The following RAB3B variants were observed in gnomAD, a reference collection of about 807,000 sequenced individuals.
The protein encoded by RAB3B is RAB3B, member RAS oncogene family, also known as ras-related protein Rab-3B.
RAB3B carries 11 observed loss-of-function variants against 20.5 expected under a neutral mutation model. The observed-to-expected ratio is 0.54, with a 90% CI of 0.34 to 0.89. The LOEUF (loss-of-function observed/expected upper bound fraction) is 0.89, where lower values mean the gene tolerates loss of function less well. Among genes scored for constraint, RAB3B ranks in the 40% least tolerant of loss-of-function variants. RAB3B has a pLI of 0.02. For synonymous variants in RAB3B, 99 were observed against 106.3 expected (o/e 0.93, Z 0.42); for missense variants, 225 against 280.9 (o/e 0.80, Z 1.42).
In RAB3B at chr1:51,909,412, G is replaced by A. The variant is rs1360396132; in HGVS notation, c.*10515C>T. On this transcript the variant is annotated 3_prime_UTR_variant, in exon 5 of 5. Coordinates refer to ENST00000371655, the MANE Select transcript of RAB3B (RefSeq NM_002867.4). ...TAGGGAAGATTGTCAGCCTCATTAG[G>A]TGAAAATATGTTGGTTCAAGATCAC... The A allele has an allele frequency of 6.6e-6, 1 of 152,130 alleles. No homozygotes were observed. Among genetic ancestry groups the A allele is most frequent in the Admixed American group, 6.6e-5 (1 of 15,262 alleles). 9.4% of individuals were successfully genotyped at this position (152,130 alleles called of 1,614,324 possible).
chr1:51,920,082 T>A lies in RAB3B; in HGVS notation c.505A>T (p.Asn169Tyr). 6.2e-7 allele frequency: 1 copy of A among 1,613,756 alleles called. No individual in the cohort carries two copies. Among genetic ancestry groups the A allele is most frequent in the Non-Finnish European group, 8.5e-7 (1 of 1,179,780 alleles). Residue 169 changes from asparagine (N) to tyrosine (Y), a missense_variant, in exon 5 of 5, where the codon AAC (asparagine) becomes TAC (tyrosine). Coordinates refer to ENST00000371655, the MANE Select transcript of RAB3B (RefSeq NM_002867.4). The stretch of plus-strand genomic sequence containing the variant: ...TCAAAGGCCTGCCTTACACTGATGT[T>A]CTCCTTTGCACTGGCTTCAAAGAAA... Reference protein sequence around the residue: ...FDFFEASAKENISVRQAFERL... With the variant: ...FDFFEASAKEYISVRQAFERL...
rs938632322 is a variant in RAB3B, at chr1:51,910,693, C to T, written c.*9234G>A. ...ATCTTACAGAAAACAGCCACAGAAT[C>T]CCAAGGCATCAGCACCAAGAGAGCC... On this transcript the variant is annotated 3_prime_UTR_variant, in exon 5 of 5. Coordinates refer to ENST00000371655, the MANE Select transcript of RAB3B (RefSeq NM_002867.4). 2 of 152,158 alleles carry T rather than the reference C, an allele frequency of 1.3e-5. No homozygotes were observed. The highest frequency in any genetic ancestry group is 2.9e-5 in the Non-Finnish European group (2 of 68,020). The allele number at this position is 152,158 out of a possible 1,614,324, so 9.4% of individuals were successfully genotyped here. A position where few individuals can be genotyped will look rare whatever the true frequency, so the allele number is the denominator to read the frequency against.
chr1:51,937,235 C>A (rs1684417713), intron 3 of RAB3B, 59 bp downstream of exon 3: 3 of 1,350,462 alleles, frequency 2.2e-6, no homozygotes, highest in Admixed American at 3.5e-5. Flanking sequence ...CAGGACCTAG[C>A]ACATGTTAGG....
rs1684885325 is a variant in RAB3B, at chr1:51,968,432, A to G, written c.228+8458T>C. On this transcript the variant is annotated intron_variant, in intron 2 of 4. Coordinates refer to ENST00000371655, the MANE Select transcript of RAB3B (RefSeq NM_002867.4). ...TATTCTTCTTCCCCTAATCAGAACA[A>G]GAGAGCTATGGTATTCATTTATTGG... 2.6e-5 allele frequency among the ~76,000 whole-genome samples: 4 copies of G among 152,224 alleles called. No homozygotes were observed. In the South Asian group the frequency reaches 8.3e-4, roughly 32 times the overall value.
At chr1:51,974,077 T>TGCCA (rs1684975134) in intron 2 of RAB3B, among the ~76,000 whole-genome samples, 1 of 152,218 alleles carries the variant, frequency 6.6e-6, no homozygotes, top group African/African-American at 2.4e-5. Context: ...ACCCCCAATC[T>TGCCA]GCCACCTATA....
intron 1 of RAB3B, among the ~76,000 whole-genome samples, chr1:51,989,489 A>G (rs1685195075): frequency 6.6e-6 from 1 of 151,782 alleles, no homozygotes; most frequent in Non-Finnish European, 1.5e-5. Context: ...TAGTGCGTGG[A>G]CACCACTCCA....
At chr1:51,970,849 C>CA (rs546939139) in intron 2 of RAB3B, among the ~76,000 whole-genome samples, 5,946 of 141,006 alleles carry the variant, frequency 0.042, 216 homozygotes, top group East Asian at 0.11. Context: ...ACTAAAAATA[C>CA]AAAAAAAAAA....
intron 2 of RAB3B, among the ~76,000 whole-genome samples, chr1:51,973,896 TCAAA>T (rs1326687079): frequency 5.9e-5 from 9 of 151,982 alleles, no homozygotes; most frequent in African/African-American, 1.7e-4. Flanking sequence ...GATATGGGGG[TCAAA>T]CAAAGACACT....
chr1:51,981,874 T>C (rs1490462944), intron 1 of RAB3B, among the ~76,000 whole-genome samples: 1 of 152,232 alleles, frequency 6.6e-6, no homozygotes, highest in Non-Finnish European at 1.5e-5. Flanking sequence ...ATAGCACATA[T>C]GATTATGTGC....
intron 1 of RAB3B, among the ~76,000 whole-genome samples, chr1:51,986,821 AGGGGGC>A (rs1685157689): frequency 6.6e-6 from 1 of 152,182 alleles, no homozygotes; most frequent in Admixed American, 6.5e-5. Flanking sequence ...TCTTCTTAGG[AGGGGGC>A]GGCCAGGGGC....
chr1:51,948,339 C>T (rs1684590684), intron 2 of RAB3B, among the ~76,000 whole-genome samples: 2 of 152,170 alleles, frequency 1.3e-5, no homozygotes, highest in Admixed American at 1.3e-4. Context: ...AGCAGAACAG[C>T]CAGAGAAGAG....
chr1:51,942,865 C>T (rs1160805747), intron 2 of RAB3B, among the ~76,000 whole-genome samples: 3 of 151,982 alleles, frequency 2.0e-5, no homozygotes, highest in Non-Finnish European at 4.4e-5. Flanking sequence ...TATTTCAAGT[C>T]TTTTCATTAT....
chr1:51,978,700 G>T (rs925734905), intron 1 of RAB3B, among the ~76,000 whole-genome samples: 2 of 152,204 alleles, frequency 1.3e-5, no homozygotes, highest in African/African-American at 2.4e-5. Context: ...AGGGTACCCA[G>T]ATGGCTGGAT....
At chr1:51,966,901 C>T (rs1021136551) in intron 2 of RAB3B, among the ~76,000 whole-genome samples, 9 of 152,108 alleles carry the variant, frequency 5.9e-5, no homozygotes, top group Non-Finnish European at 1.0e-4. Context: ...ACACTCAAGA[C>T]GAGATTGCAC....
intron 2 of RAB3B, among the ~76,000 whole-genome samples, chr1:51,945,748 C>T (rs2124268889): frequency 6.6e-6 from 1 of 152,300 alleles, no homozygotes; most frequent in East Asian, 1.9e-4. Flanking sequence ...TCAAACCTAC[C>T]CAGGGCTGCC....
intron 2 of RAB3B, among the ~76,000 whole-genome samples, chr1:51,966,843 C>T (rs1465444239): frequency 6.6e-6 from 1 of 152,146 alleles, no homozygotes; most frequent in Non-Finnish European, 1.5e-5. Context: ...TGTTCAGCCT[C>T]CAGACTCTTC....
intron 1 of RAB3B, among the ~76,000 whole-genome samples, chr1:51,989,898 A>T (rs1272026761): frequency 6.7e-6 from 1 of 148,186 alleles, no homozygotes; most frequent in Non-Finnish European, 1.5e-5. Context: ...ATCCCCCATA[A>T]ATGACCCTCT....
chr1:51,937,387 C>T lies in RAB3B; in HGVS notation c.254G>A (p.Arg85Gln), dbSNP rs774989673. The change falls in exon 3 of 5, where the codon CGG (arginine) becomes CAG (glutamine). Residue 85 changes from arginine (R) to glutamine (Q), a missense_variant. Transcript: ENST00000371655. ...ACGGTAATAGGCTGTTGTGATGGTC[C>T]GGTACCGCTCCTGCCCAGCTGTGTC... ...IWDTAGQERYRTITTAYYRGA... is the reference protein window; with the variant it reads ...IWDTAGQERYQTITTAYYRGA... 3.5e-5 allele frequency: 56 copies of T among 1,608,728 alleles called. No homozygotes were observed. The highest frequency in any genetic ancestry group is 7.8e-5 in the South Asian group (7 of 89,788).
chr1:51,949,827 C>CA (rs1167314404), intron 2 of RAB3B, among the ~76,000 whole-genome samples: 3 of 152,202 alleles, frequency 2.0e-5, no homozygotes, highest in Non-Finnish European at 2.9e-5. Flanking sequence ...GGCTGCCTTC[C>CA]ACCAGTGGAG....
Sources: allele counts gnomAD v4.1 joint callset (sites outside exome capture counted in the v4.1 genomes callset), GRCh38; gene constraint gnomAD v4.1.1; transcripts MANE v1.5; gene names NCBI Gene and HGNC (gene_info 2026-07-23, HGNC 2026-07-21).